The following KALRN variants were observed in gnomAD, a reference collection of about 807,000 sequenced individuals.
KALRN encodes the protein kalirin RhoGEF kinase.
KALRN carries 70 observed loss-of-function variants against 353.7 expected under a neutral mutation model. The observed-to-expected ratio is 0.20, with a 90% CI of 0.16 to 0.24. The LOEUF (loss-of-function observed/expected upper bound fraction) is 0.24, where lower values mean the gene tolerates loss of function less well. KALRN is among the 10% of genes least tolerant of loss of function. KALRN has a pLI of 1.00. For missense variants in KALRN, 2,791 were observed against 3,756.7 expected, an observed-to-expected ratio of 0.74 and a Z score of 6.72; for synonymous variants, 1,391 against 1,434.8, an observed-to-expected ratio of 0.97 and a Z score of 0.69.
chr3:124,649,790 AATAGATAGATAGATAGATAGATAG>A (rs57296265), intron 37 of KALRN, among the ~76,000 whole-genome samples: 1 of 132,800 alleles, frequency 7.5e-6, no homozygotes, highest in Non-Finnish European at 1.6e-5. Flanking sequence ...CCTGTCTCAA[AATAGATAGATAGATAGATAGATAG>A]ATAGATAGAT....
At position 124,119,175 on chromosome 3, in the gene KALRN, T is replaced by G. The variant is rs1338454804; in HGVS notation, c.73+85362T>G. Among the ~76,000 whole-genome samples, 4 of 152,272 alleles carry G rather than the reference T, an allele frequency of 2.6e-5. No homozygotes were observed. In the South Asian group the frequency reaches 8.3e-4, roughly 32 times the overall value. On this transcript the variant is annotated intron_variant, in intron 1 of 59. Coordinates refer to ENST00000682506, the MANE Select transcript of KALRN (RefSeq NM_001388419.1). The stretch of plus-strand genomic sequence containing the variant: ...GCGAGAGGCAACAGGGAGTGGAAGC[T>G]GACTGACAGGGCCCTGGGGGATGTG...
rs146960256 is a variant in KALRN, at chr3:124,081,301, T to C, written c.73+47488T>C. ...AAGAGTGTATTCAGTCTCAAAGATATCAAGAAAAAATAAGCTGTCCACTCC... is the reference window on the plus strand; with the variant it reads ...AAGAGTGTATTCAGTCTCAAAGATACCAAGAAAAAATAAGCTGTCCACTCC... On this transcript the variant is annotated intron_variant, in intron 1 of 59. Transcript: ENST00000682506. Among the ~76,000 whole-genome samples, 326 of 152,264 alleles carry C rather than the reference T, an allele frequency of 2.1e-3. 1 individual carries two copies. Among genetic ancestry groups the C allele is most frequent in the African/African-American group, 6.8e-3 (283 of 41,546 alleles).
At chr3:124,602,940 GT>G (rs577959368) in intron 34 of KALRN, among the ~76,000 whole-genome samples, 2 of 35,642 alleles carry the variant, frequency 5.6e-5, no homozygotes, top group Non-Finnish European at 7.5e-5. Context: ...AGTTTTCGTG[GT>G]TTTTTTTTTG....
intron 33 of KALRN, among the ~76,000 whole-genome samples, chr3:124,542,542 T>C (rs768223429): frequency 6.6e-6 from 1 of 152,202 alleles, no homozygotes; most frequent in Non-Finnish European, 1.5e-5. Context: ...ACCTCTGGTT[T>C]CAGATGACTA....
At position 124,719,881 on chromosome 3, in the gene KALRN, A is replaced by G; in HGVS notation, c.*411A>G. The G allele has an allele frequency of 5.5e-6, 1 of 181,994 alleles. No homozygotes were observed. Among genetic ancestry groups the G allele is most frequent in the Non-Finnish European group, 1.2e-5 (1 of 85,044 alleles). The allele number at this position is 181,994 out of a possible 1,614,324, so 11.3% of individuals were successfully genotyped here. A position where few individuals can be genotyped will look rare whatever the true frequency, so the allele number is the denominator to read the frequency against. On this transcript the variant is annotated 3_prime_UTR_variant, in exon 60 of 60. Transcript: ENST00000682506. This position sits in a 1 kb window ranked among gnomAD's most constrained non-coding sequence, Gnocchi z 5.3. Reference sequence around the variant, plus strand: ...GTTCTATTTAATGGAGATGTCATGTATATCAACTATTCTGGTTTAGATAAC... The same window carrying G: ...GTTCTATTTAATGGAGATGTCATGTGTATCAACTATTCTGGTTTAGATAAC...
chr3:124,343,999 C>T (rs937604934), intron 9 of KALRN, among the ~76,000 whole-genome samples: 12 of 152,166 alleles, frequency 7.9e-5, no homozygotes, highest in African/African-American at 2.9e-4. Flanking sequence ...GATAAAACCT[C>T]CAAAACTGGA....
At chr3:124,282,541 C>A (rs2075455302) in intron 5 of KALRN, among the ~76,000 whole-genome samples, 1 of 152,118 alleles carries the variant, frequency 6.6e-6, no homozygotes, top group Non-Finnish European at 1.5e-5. Flanking sequence ...CCACACCTGG[C>A]TAATTTTGTA....
chr3:124,650,740 G>C, intron 37 of KALRN, 68 bp from the exon 38 acceptor site: 2 of 1,492,330 alleles, frequency 1.3e-6, no homozygotes, highest in Non-Finnish European at 1.9e-6. Context: ...GCTAGGCTGG[G>C]AGGACACAGG....
At chr3:124,430,550 G>A in intron 15 of KALRN, 106 bp from the exon 16 acceptor site, 1 of 1,353,926 alleles carries the variant, frequency 7.4e-7, no homozygotes, top group Non-Finnish European at 1.0e-6. Context: ...TCCAACAGAA[G>A]ATAAAAGATA....
rs764273165 is a variant in KALRN, at chr3:124,699,843, C to T, written c.7832-26C>T. 1.9e-6 allele frequency: 3 copies of T among 1,612,216 alleles called. No homozygotes were observed. The South Asian group carries it at 3.3e-5, about 18-fold the overall frequency. Reference sequence around the variant, plus strand: ...CAATATCCCTTTGGCTTTTCTCTTTCCCTCTCCTGGGAAACTGTACACTAG... The same window carrying T: ...CAATATCCCTTTGGCTTTTCTCTTTTCCTCTCCTGGGAAACTGTACACTAG... On this transcript the variant is annotated intron_variant, in intron 55 of 59. Transcript: ENST00000682506.
chr3:124,283,732 G>A (rs2075566043), intron 5 of KALRN, among the ~76,000 whole-genome samples: 1 of 152,182 alleles, frequency 6.6e-6, no homozygotes, highest in Admixed American at 6.5e-5. Flanking sequence ...AACTTGAGGA[G>A]GGCAAGTGCG....
rs1411850634 is a variant in KALRN at position 124,498,426 on chromosome 3, C to G, written c.4935+2013C>G. ...GTCTGTCTGTTTCATTGCCGTACTCCTGACATGCAGCACATAGAGGCTCAG... is the reference window on the plus strand; with the variant it reads ...GTCTGTCTGTTTCATTGCCGTACTCGTGACATGCAGCACATAGAGGCTCAG... On this transcript the variant is annotated intron_variant, in intron 33 of 59. Coordinates refer to ENST00000682506, the MANE Select transcript of KALRN (RefSeq NM_001388419.1). Among the ~76,000 whole-genome samples, 6 of 152,130 alleles carry G rather than the reference C, an allele frequency of 3.9e-5. No homozygotes were observed. In the East Asian group the frequency reaches 1.2e-3, roughly 29 times the overall value.
chr3:124,468,621 G>A lies in KALRN; in HGVS notation c.4031+5988G>A, dbSNP rs2060583428. On this transcript the variant is annotated intron_variant, in intron 25 of 59. Transcript: ENST00000682506. ...ATAGAATTATCAAATATAAAAGCCC[G>A]AAAGAAATCGTTAAAGATAATCTAG... Among the ~76,000 whole-genome samples, 2 of 152,148 alleles carry A rather than the reference G, an allele frequency of 1.3e-5. 1 individual carries two copies. Among genetic ancestry groups the A allele is most frequent in the South Asian group, 4.1e-4 (2 of 4,826 alleles).
intron 6 of KALRN, among the ~76,000 whole-genome samples, chr3:124,312,087 G>T (rs1478023461): frequency 1.3e-5 from 2 of 152,180 alleles, no homozygotes; most frequent in South Asian, 2.1e-4. Flanking sequence ...GATGTTGGTT[G>T]TACATATCTA....
At chr3:124,230,857 C>CAAAAAAAAAAAAAAA (rs796655959) in intron 2 of KALRN, among the ~76,000 whole-genome samples, 1 of 93,706 alleles carries the variant, frequency 1.1e-5, no homozygotes, top group Non-Finnish European at 2.4e-5. Flanking sequence ...CCCCCAAAAC[C>CAAAAAAAAAAAAAAA]AAAAAAAAAA....
At chr3:124,428,607 C>A (rs1372972547) in intron 15 of KALRN, among the ~76,000 whole-genome samples, 2 of 152,128 alleles carry the variant, frequency 1.3e-5, no homozygotes, top group South Asian at 2.1e-4. Context: ...TGGAGCTAAG[C>A]CATAGATATA....
At chr3:124,192,123 C>T (rs1156698153) in intron 1 of KALRN, among the ~76,000 whole-genome samples, 1 of 152,178 alleles carries the variant, frequency 6.6e-6, no homozygotes, top group African/African-American at 2.4e-5. Context: ...CCCTAACCCC[C>T]AGTACCTCAA....
chr3:124,401,329 A>C (rs2150123865), intron 13 of KALRN, among the ~76,000 whole-genome samples: 1 of 152,058 alleles, frequency 6.6e-6, no homozygotes, highest in Admixed American at 6.6e-5. Flanking sequence ...ACGTGGTGAA[A>C]CTCCATCTCC....
At chr3:124,423,169 C>A (rs941689970) in intron 15 of KALRN, among the ~76,000 whole-genome samples, 191 bp downstream of exon 15, 1 of 152,176 alleles carries the variant, frequency 6.6e-6, no homozygotes. Flanking sequence ...ACAAATAGAC[C>A]CAGTGATACA....
Sources: allele counts gnomAD v4.1 joint callset (sites outside exome capture counted in the v4.1 genomes callset), GRCh38; gene constraint gnomAD v4.1.1; non-coding constraint Gnocchi (gnomAD v3.1); transcripts MANE v1.5; gene names NCBI Gene and HGNC (gene_info 2026-07-23, HGNC 2026-07-21).